DHDH: variants seen among roughly 807,000 people sequenced by gnomAD.
The protein encoded by DHDH is trans-1,2-dihydrobenzene-1,2-diol dehydrogenase.
Under a neutral mutation model 33.2 loss-of-function variants are expected in DHDH, and 29 were observed. The observed-to-expected ratio is 0.87, with a 90% CI of 0.65 to 1.19. DHDH has a LOEUF of 1.19. Among genes scored for constraint, DHDH ranks in the 50% most tolerant of loss-of-function variants. The pLI, the probability that DHDH is intolerant of heterozygous loss-of-function variation, is 0.00. For missense variants in DHDH, 431 were observed against 455.0 expected (o/e 0.95, Z 0.48); for synonymous variants, 201 against 187.9 (o/e 1.07, Z -0.57).
intron 4 of DHDH, among the ~76,000 whole-genome samples, chr19:48,940,928 C>T (rs565816959): frequency 2.6e-5 from 4 of 151,112 alleles, no homozygotes; most frequent in South Asian, 2.1e-4. Context: ...GCTATCCTCC[C>T]GCCTCTGCCT....
At position 48,939,534 on chromosome 19, in the gene DHDH, G is replaced by A. The variant is rs763168931; in HGVS notation, c.452G>A (p.Arg151Gln). 13 of 1,613,932 alleles carry A rather than the reference G, an allele frequency of 8.1e-6. No individual in the cohort carries two copies. The highest frequency in any genetic ancestry group is 5.0e-5 in the Admixed American group (3 of 59,968). ...QGTLGDLRVARAEFGKNLIHV... is the reference protein window; with the variant it reads ...QGTLGDLRVAQAEFGKNLIHV... ...ACTCTAGGAGACCTCCGGGTGGCTCGGGCAGAATTTGGGAAGAATCTCATC... is the reference window on the plus strand; with the variant it reads ...ACTCTAGGAGACCTCCGGGTGGCTCAGGCAGAATTTGGGAAGAATCTCATC... The change falls in exon 4 of 7, where the codon CGG (arginine) becomes CAG (glutamine). Residue 151 changes from arginine (R) to glutamine (Q), a missense_variant. Arg to Gln is a conservative substitution (Grantham distance 43). Coordinates refer to ENST00000221403, the MANE Select transcript of DHDH (RefSeq NM_014475.4).
At chr19:48,933,294 C>T (rs1165238264), upstream of DHDH, among the ~76,000 whole-genome samples, 1 of 152,208 alleles carries the variant, frequency 6.6e-6, no homozygotes, top group Non-Finnish European at 1.5e-5. Context: ...ACAATCCTCT[C>T]TCTCTCTGTG....
intron 2 of DHDH, 110 bp downstream of exon 2, chr19:48,935,221 C>A: frequency 1.3e-6 from 1 of 772,870 alleles, no homozygotes; most frequent in South Asian, 2.5e-5. Flanking sequence ...CCTTTGGGTT[C>A]CATAAAGACC....
intron 4 of DHDH, 119 bp downstream of exon 4, chr19:48,939,820 C>T: frequency 7.1e-7 from 1 of 1,412,508 alleles, no homozygotes; most frequent in Non-Finnish European, 9.5e-7. Flanking sequence ...AGAGGAACAA[C>T]TTTCCATGAA....
intron 3 of DHDH, among the ~76,000 whole-genome samples, chr19:48,936,947 C>G (rs557023389): frequency 6.6e-6 from 1 of 151,576 alleles, no homozygotes; most frequent in Non-Finnish European, 1.5e-5. Flanking sequence ...CCATGCCCAG[C>G]TAATTTTTGT....
chr19:48,942,688 T>C, intron 5 of DHDH, 124 bp downstream of exon 5: 1 of 1,425,904 alleles, frequency 7.0e-7, no homozygotes, highest in Non-Finnish European at 9.3e-7. Context: ...GAGTTCCTCC[T>C]TAACCAAGCC....
Position 48,935,015 on chromosome 19 carries a change from G to A in DHDH, c.106G>A (p.Ala36Thr). Residue 36 changes from alanine (A) to threonine (T), a missense_variant, in exon 2 of 7, where the codon GCC (alanine) becomes ACC (threonine). By Grantham distance (58) the Ala-to-Thr change is moderately conservative. Transcript: ENST00000221403. ...GCCCCTCCAGGTGGTGGCGGTGGCGGCCCGCGATCTGAGCCGTGCGAAGGA... is the reference window on the plus strand; with the variant it reads ...GCCCCTCCAGGTGGTGGCGGTGGCGACCCGCGATCTGAGCCGTGCGAAGGA... Reference protein sequence around the residue: ...RSEHQVVAVAARDLSRAKEFA... With the variant: ...RSEHQVVAVATRDLSRAKEFA... 2 of 1,566,712 alleles carry A rather than the reference G, an allele frequency of 1.3e-6. No individual in the cohort carries two copies. The highest frequency in any genetic ancestry group is 1.2e-5 in the South Asian group (1 of 83,054).
chr19:48,939,346 T>A (rs757140784), intron 3 of DHDH, 103 bp from the exon 4 acceptor site: 44 of 1,359,406 alleles, frequency 3.2e-5, no homozygotes, highest in Non-Finnish European at 4.1e-5. Context: ...TGGGGACTGA[T>A]GGGCTGTGTT....
chr19:48,944,627 G>A, intron 6 of DHDH, 120 bp downstream of exon 6: 8 of 1,426,550 alleles, frequency 5.6e-6, no homozygotes, highest in Admixed American at 2.3e-5. Context: ...AGTGAGCCGA[G>A]ATTGCACCAC....
At chr19:48,933,893 C>A in intron 1 of DHDH, 82 bp downstream of exon 1, 2 of 1,328,056 alleles carry the variant, frequency 1.5e-6, no homozygotes, top group Non-Finnish European at 1.1e-6. Context: ...GTTTAGGGTT[C>A]AGGACTAGTG....
chr19:48,933,916 T>C (rs988442087), intron 1 of DHDH, 105 bp downstream of exon 1: 2 of 1,015,576 alleles, frequency 2.0e-6, no homozygotes, highest in East Asian at 5.3e-5. Context: ...TGGGTCGTCA[T>C]TGCAGTGAAA....
At chr19:48,934,852 C>G (rs998010693) in intron 1 of DHDH, 148 bp from the exon 2 acceptor site, 6 of 537,390 alleles carry the variant, frequency 1.1e-5, no homozygotes, top group Non-Finnish European at 1.9e-5. Context: ...ATCTCTCTTT[C>G]CCAGGGCCCA....
intron 3 of DHDH, 99 bp from the exon 4 acceptor site, chr19:48,939,350 C>A: frequency 1.4e-6 from 2 of 1,386,412 alleles, no homozygotes; most frequent in Non-Finnish European, 2.0e-6. Context: ...GACTGATGGG[C>A]TGTGTTTGGA....
intron 6 of DHDH, 60 bp downstream of exon 6, chr19:48,944,567 C>A: frequency 6.5e-7 from 1 of 1,540,662 alleles, no homozygotes; most frequent in Non-Finnish European, 8.8e-7. Context: ...GGCCCCTCCC[C>A]ACCTGCTCTG....
At chr19:48,939,802 A>G in intron 4 of DHDH, 101 bp downstream of exon 4, 1 of 1,459,972 alleles carries the variant, frequency 6.8e-7, no homozygotes, top group Non-Finnish European at 9.1e-7. Context: ...GAATTAGATC[A>G]GACACCTAGA....
chr19:48,935,290 G>A (rs1410066925), intron 2 of DHDH, among the ~76,000 whole-genome samples, 179 bp downstream of exon 2: 1 of 152,186 alleles, frequency 6.6e-6, no homozygotes, highest in Non-Finnish European at 1.5e-5. Flanking sequence ...TCTAGTAGGT[G>A]TTAAACTACA....
rs117387587 is a variant in DHDH at position 48,942,296 on chromosome 19, G to T, written c.620-144G>T. The stretch of plus-strand genomic sequence containing the variant: ...TGGGATTACAGGCGTGAGCCACCGC[G>T]ACCAGCCAGCACTTCATTCTTTTGC... On this transcript the variant is annotated intron_variant, in intron 4 of 6. Transcript: ENST00000221403. 889 of 953,606 alleles carry T rather than the reference G, an allele frequency of 9.3e-4. 12 individuals are homozygous for T. In the East Asian group the frequency reaches 0.024, roughly 25 times the overall value. The allele number at this position is 953,606 out of a possible 1,614,324, so 59.1% of individuals were successfully genotyped here.
rs2037877176 is a variant in DHDH, at chr19:48,942,431, T to C, written c.620-9T>C. The C allele has an allele frequency of 1.9e-6, 3 of 1,597,584 alleles. No homozygotes were observed. ...AGAGACCCTGCCCTGACCCAGGACT[T>C]CCCTCCAGGTGTGGATGACACTGTC... is the stretch of plus-strand genomic sequence containing the variant. On this transcript the variant is annotated splice_polypyrimidine_tract_variant and intron_variant, in intron 4 of 6. Transcript: ENST00000221403.
rs61742532 is a variant in DHDH, at chr19:48,936,106, G to T, written c.277G>T (p.Val93Phe). Reference sequence around the variant, plus strand: ...GCTGTGCTTGGCGGCGGGCAAGGCCGTTCTGTGCGAGAAGCCCACGGGCGT... The same window carrying T: ...GCTGTGCTTGGCGGCGGGCAAGGCCTTTCTGTGCGAGAAGCCCACGGGCGT... ...VMLCLAAGKA[V>F]LCEKPTGVNA... Residue 93 changes from valine (V) to phenylalanine (F), a missense_variant, in exon 3 of 7, where the codon GTT (valine) becomes TTT (phenylalanine). Physicochemically the swap from Val to Phe is conservative, Grantham distance 50. Coordinates refer to ENST00000221403, the MANE Select transcript of DHDH (RefSeq NM_014475.4). 6.2e-7 allele frequency: 1 copy of T among 1,611,174 alleles called. No individual in the cohort carries two copies. Among genetic ancestry groups the T allele is most frequent in the Non-Finnish European group, 8.5e-7 (1 of 1,179,374 alleles).
Sources: gnomAD v4.1 joint callset for allele counts (sites outside exome capture counted in the v4.1 genomes callset) on GRCh38, gnomAD v4.1.1 for gene constraint, MANE v1.5 for transcripts, NCBI Gene and HGNC (gene_info 2026-07-23, HGNC 2026-07-21) for gene names.